Variants in DOCK2 observed in about 807,000 individuals in gnomAD.
DOCK2 encodes the protein dedicator of cytokinesis protein 2.
A neutral mutation model predicts 248.9 loss-of-function variants in DOCK2; 87 were observed. The observed-to-expected ratio is 0.35, with a 90% CI of 0.29 to 0.42. The LOEUF (loss-of-function observed/expected upper bound fraction) is 0.42. DOCK2 is among the 10% of genes least tolerant of loss of function. The pLI is 1.00. For synonymous variants in DOCK2, 805 were observed against 821.6 expected, an observed-to-expected ratio of 0.98 and a Z score of 0.35; for missense variants, 1,747 against 2,300.2, an observed-to-expected ratio of 0.76 and a Z score of 4.92.
At chr5:169,749,728 C>T (rs974448386) in intron 23 of DOCK2, among the ~76,000 whole-genome samples, 1 of 152,212 alleles carries the variant, frequency 6.6e-6, no homozygotes, top group Non-Finnish European at 1.5e-5. Flanking sequence ...TTAGTCCCTG[C>T]TGGGGATGGA....
chr5:169,700,940 G>GGC (rs898058860), intron 13 of DOCK2, among the ~76,000 whole-genome samples: 2 of 103,328 alleles, frequency 1.9e-5, no homozygotes, highest in African/African-American at 3.1e-5. Context: ...AGAAAAAGAA[G>GGC]GAGAGAAAGA....
intron 36 of DOCK2, among the ~76,000 whole-genome samples, chr5:170,040,093 T>A (rs1211843890): frequency 6.6e-6 from 1 of 152,214 alleles, no homozygotes; most frequent in Non-Finnish European, 1.5e-5. Context: ...TACTTGCATT[T>A]CTTAGCAGCA....
intron 22 of DOCK2, among the ~76,000 whole-genome samples, chr5:169,738,808 G>A (rs1021830688): frequency 6.6e-6 from 1 of 152,188 alleles, no homozygotes; most frequent in Non-Finnish European, 1.5e-5. Context: ...AGACAGGAGT[G>A]ATCTAAAGTC....
intron 27 of DOCK2, among the ~76,000 whole-genome samples, chr5:169,859,306 G>A (rs976977181): frequency 3.3e-5 from 5 of 152,266 alleles, no homozygotes; most frequent in Admixed American, 1.3e-4. Context: ...ATGGTCCATC[G>A]AAATTTAGGC....
At chr5:169,843,074 A>G (rs1770082798) in intron 27 of DOCK2, among the ~76,000 whole-genome samples, 1 of 152,148 alleles carries the variant, frequency 6.6e-6, no homozygotes, top group South Asian at 2.1e-4. Context: ...CAGTCTTTTC[A>G]TCAACTTTTT....
intron 27 of DOCK2, among the ~76,000 whole-genome samples, chr5:169,907,618 A>G (rs908476174): frequency 3.3e-5 from 5 of 152,172 alleles, no homozygotes; most frequent in Non-Finnish European, 5.9e-5. Flanking sequence ...AAGTTCAATT[A>G]CCTCTGTTCT....
intron 27 of DOCK2, among the ~76,000 whole-genome samples, chr5:169,945,809 T>G (rs141270690): frequency 5.1e-4 from 77 of 152,344 alleles, no homozygotes; most frequent in African/African-American, 1.8e-3. Flanking sequence ...GCTTATTGTT[T>G]GGATTCGCCC....
chr5:169,762,502 G>T (rs1764545371), intron 25 of DOCK2, among the ~76,000 whole-genome samples: 1 of 152,124 alleles, frequency 6.6e-6, no homozygotes, highest in African/African-American at 2.4e-5. Flanking sequence ...TCAGTCAACT[G>T]GATGTCGATA....
chr5:169,727,132 ACT>A (rs34213099), intron 22 of DOCK2, among the ~76,000 whole-genome samples: 6,741 of 151,704 alleles, frequency 0.044, 458 homozygotes, highest in African/African-American at 0.14. Context: ...GACGAAAGAG[ACT>A]CTCTAATTCT....
chr5:169,755,531 T>A (rs1481111539), intron 23 of DOCK2, among the ~76,000 whole-genome samples: 1 of 151,962 alleles, frequency 6.6e-6, no homozygotes, highest in Non-Finnish European at 1.5e-5. Context: ...TCACCTGAGG[T>A]CAGGGGTTTG....
intron 40 of DOCK2, 30 bp downstream of exon 40, chr5:170,047,644 C>CGA: frequency 6.3e-7 from 1 of 1,599,316 alleles, no homozygotes; most frequent in South Asian, 1.1e-5. Flanking sequence ...GGACACCAGG[C>CGA]GAGAGCCCCA....
At chr5:169,751,584 G>T (rs993525701) in intron 23 of DOCK2, among the ~76,000 whole-genome samples, 2 of 152,208 alleles carry the variant, frequency 1.3e-5, no homozygotes, top group Non-Finnish European at 1.5e-5. Context: ...GAGTAGAGCA[G>T]ATCTGGTTCA....
In DOCK2 at chr5:169,638,633, G is replaced by C. The variant is rs77625254; in HGVS notation, c.43+1264G>C. Among the ~76,000 whole-genome samples, 1,419 of 152,276 alleles carry C rather than the reference G, an allele frequency of 9.3e-3. 12 individuals carry two copies. Among genetic ancestry groups the C allele is most frequent in the Non-Finnish European group, 0.014 (975 of 68,014 alleles). ...TAAGAGTTAGTGATTCAGGTCCAGG[G>C]TCTTACCTAGCAGCTTCAGAACCAA... On this transcript the variant is annotated intron_variant, in intron 1 of 51. Transcript: ENST00000520908.
intron 23 of DOCK2, among the ~76,000 whole-genome samples, chr5:169,756,369 C>T (rs1425021419): frequency 6.6e-6 from 1 of 152,222 alleles, no homozygotes; most frequent in Non-Finnish European, 1.5e-5. Flanking sequence ...CCTTTCCCCA[C>T]AGGGGTTTGT....
intron 27 of DOCK2, among the ~76,000 whole-genome samples, chr5:169,945,648 T>C (rs1486920093): frequency 1.3e-5 from 2 of 152,212 alleles, no homozygotes; most frequent in East Asian, 3.8e-4. Flanking sequence ...GCATCTGCAG[T>C]GGCCTCTTCA....
intron 44 of DOCK2, among the ~76,000 whole-genome samples, chr5:170,058,731 GAC>G (rs1163507310): frequency 2.0e-5 from 3 of 152,170 alleles, no homozygotes; most frequent in Non-Finnish European, 4.4e-5. Flanking sequence ...CCCACTGAGT[GAC>G]ACAGAGCCAT....
intron 26 of DOCK2, among the ~76,000 whole-genome samples, chr5:169,810,691 A>T (rs547746614): frequency 6.6e-6 from 1 of 152,198 alleles, no homozygotes; most frequent in South Asian, 2.1e-4. Context: ...TTTTTAAGAA[A>T]GACTGGTCTC....
chr5:169,777,171 G>GCA (rs144482513), intron 25 of DOCK2, among the ~76,000 whole-genome samples: 2 of 152,014 alleles, frequency 1.3e-5, no homozygotes, highest in Admixed American at 6.5e-5. Context: ...AAAGGTGCAT[G>GCA]CACACACACA....
At chr5:169,872,080 A>C (rs1220112782) in intron 27 of DOCK2, among the ~76,000 whole-genome samples, 2 of 152,194 alleles carry the variant, frequency 1.3e-5, no homozygotes, top group Non-Finnish European at 2.9e-5. Context: ...AAGTTGGCCG[A>C]GAAGTGAATG....
Sources: allele counts gnomAD v4.1 joint callset (sites outside exome capture counted in the v4.1 genomes callset), GRCh38; gene constraint gnomAD v4.1.1; transcripts MANE v1.5; gene names NCBI Gene and HGNC (gene_info 2026-07-23, HGNC 2026-07-21).